Variants in PLBD1 observed in about 807,000 individuals in gnomAD.
PLBD1 encodes the protein lysosomal leucine aminopeptidase.
In PLBD1, 60 loss-of-function variants were observed where a neutral mutation model predicts 63.0. The ratio of observed to expected loss-of-function variants is 0.95; its 90% CI spans 0.77 to 1.18. PLBD1 has a LOEUF of 1.18. Among genes scored for constraint, PLBD1 ranks in the 50% most tolerant of loss-of-function variants. The probability of loss-of-function intolerance (pLI) is 0.00; values close to 1 mark genes in which losing one functional copy is unlikely to be tolerated. For missense variants in PLBD1, 598 were observed against 677.9 expected, an observed-to-expected ratio of 0.88 and a Z score of 1.31; for synonymous variants, 262 against 248.0, an observed-to-expected ratio of 1.06 and a Z score of -0.53.
intron 6 of PLBD1, among the ~76,000 whole-genome samples, chr12:14,524,543 AC>A (rs1425537739): frequency 2.6e-5 from 4 of 152,240 alleles, no homozygotes; most frequent in African/African-American, 9.6e-5. Context: ...ACCAGGCACT[AC>A]AGTTAACAAT....
At chr12:14,529,296 T>C (rs1945441387) in intron 6 of PLBD1, among the ~76,000 whole-genome samples, 1 of 152,088 alleles carries the variant, frequency 6.6e-6, no homozygotes, top group Non-Finnish European at 1.5e-5. Context: ...ATTTAGGATA[T>C]GAGGATAAGC....
At chr12:14,564,228 T>C (rs1022906443) in intron 1 of PLBD1, among the ~76,000 whole-genome samples, 3 of 152,178 alleles carry the variant, frequency 2.0e-5, no homozygotes, top group Non-Finnish European at 4.4e-5. Context: ...TAAATAAGAA[T>C]GTCTGCAGAG....
chr12:14,565,161 A>T (rs995657181), intron 1 of PLBD1, among the ~76,000 whole-genome samples: 15 of 152,202 alleles, frequency 9.9e-5, no homozygotes, highest in African/African-American at 3.6e-4. Flanking sequence ...AAATTGAAGA[A>T]TATGCAAGAA....
At chr12:14,507,782 T>G (rs953149799) in intron 8 of PLBD1, among the ~76,000 whole-genome samples, 1 of 152,238 alleles carries the variant, frequency 6.6e-6, no homozygotes, top group African/African-American at 2.4e-5. Context: ...AGGCTCAGCT[T>G]CATTCAAAGC....
chr12:14,529,396 G>C (rs1373370964), intron 6 of PLBD1, among the ~76,000 whole-genome samples: 1 of 151,972 alleles, frequency 6.6e-6, no homozygotes, highest in Admixed American at 6.6e-5. Flanking sequence ...TAACACGTTA[G>C]TAAACTGAAC....
rs1436203650 is a variant in PLBD1 at position 14,536,668 on chromosome 12, C to T, written c.601G>A (p.Asp201Asn). 2 of 1,614,032 alleles carry T rather than the reference C, an allele frequency of 1.2e-6. No homozygotes were observed. The highest frequency in any genetic ancestry group is 2.7e-5 in the African/African-American group (2 of 74,928). ...AGTGAGGGAATCAGATCCAATAGAT[C>T]TCCAACACTATTCAGGAACTGAATC... ...FQIQFLNSVG[D>N]LLDLIPSLSP... is the part of the protein sequence containing the mutation. The change falls in exon 5 of 11, where the codon GAT becomes AAT. Residue 201 changes from aspartate to asparagine, a missense_variant. Coordinates refer to ENST00000240617, the MANE Select transcript of PLBD1 (RefSeq NM_024829.6).
At chr12:14,521,728 G>A (rs1410576424) in intron 6 of PLBD1, among the ~76,000 whole-genome samples, 3 of 151,932 alleles carry the variant, frequency 2.0e-5, no homozygotes, top group Non-Finnish European at 4.4e-5. Flanking sequence ...TCAGTGCAGG[G>A]ACACAAGAAA....
chr12:14,550,753 CT>C (rs1277986045), intron 2 of PLBD1, among the ~76,000 whole-genome samples: 4 of 152,084 alleles, frequency 2.6e-5, no homozygotes, highest in Non-Finnish European at 5.9e-5. Context: ...TGGCTCATGC[CT>C]GTAATCCCAT....
intron 8 of PLBD1, among the ~76,000 whole-genome samples, chr12:14,510,772 C>T (rs1012850353): frequency 2.0e-5 from 3 of 152,156 alleles, no homozygotes; most frequent in African/African-American, 4.8e-5. Flanking sequence ...CTAACAGCCA[C>T]GTTCTGTTTA....
intron 6 of PLBD1, among the ~76,000 whole-genome samples, chr12:14,515,228 A>C (rs929220613): frequency 1.8e-4 from 27 of 152,238 alleles, no homozygotes; most frequent in African/African-American, 6.5e-4. Context: ...GAGGGAAATC[A>C]TCTTATGACC....
intron 1 of PLBD1, among the ~76,000 whole-genome samples, chr12:14,558,081 A>C (rs901919797): frequency 1.3e-5 from 2 of 150,528 alleles, no homozygotes; most frequent in African/African-American, 4.9e-5. Context: ...TGTCTATCAA[A>C]TATGCACTAA....
intron 2 of PLBD1, among the ~76,000 whole-genome samples, chr12:14,546,210 T>C (rs1217998050): frequency 6.6e-6 from 1 of 151,246 alleles, no homozygotes; most frequent in Non-Finnish European, 1.5e-5. Flanking sequence ...CCCCAGCACT[T>C]GGGTGGTTGA....
At chr12:14,513,783 T>TG (rs1945317385) in intron 6 of PLBD1, among the ~76,000 whole-genome samples, 1 of 151,298 alleles carries the variant, frequency 6.6e-6, no homozygotes, top group Non-Finnish European at 1.5e-5. Context: ...ACTCTTAGTT[T>TG]TTTTTTTTTT....
rs1414652384 is a variant in PLBD1 at position 14,506,151 on chromosome 12, T to C, written c.1479+11A>G. 4 of 1,574,010 alleles carry C rather than the reference T, an allele frequency of 2.5e-6. No homozygotes were observed. The highest frequency in any genetic ancestry group is 4.5e-5 in the East Asian group (2 of 44,308). Reference sequence around the variant, plus strand: ...GGTGGGAATTAAATTCAAAAGCCAATAGCATGTTACCTTTGTGTCATAACA... The same window carrying C: ...GGTGGGAATTAAATTCAAAAGCCAACAGCATGTTACCTTTGTGTCATAACA... On this transcript the variant is annotated intron_variant, in intron 10 of 10. Coordinates refer to ENST00000240617, the MANE Select transcript of PLBD1 (RefSeq NM_024829.6).
Position 14,562,432 on chromosome 12 carries a change from C to T in PLBD1, c.115+5150G>A, listed in dbSNP as rs545611969. On this transcript the variant is annotated intron_variant, in intron 1 of 10. Transcript: ENST00000240617. ...TTGAGATTGCAGCACTGCGGTCCAG[C>T]CTGAGTGACAGAGTGAGACTCCCTC... Among the ~76,000 whole-genome samples the T allele has an allele frequency of 1.7e-3, 246 of 143,378 alleles. 4 individuals carry two copies. The South Asian group carries it at 0.018, about 11-fold the overall frequency. 94.1% of individuals were successfully genotyped at this position (143,378 alleles called of 152,430 possible).
chr12:14,538,437 A>C (rs1323237316), intron 4 of PLBD1, among the ~76,000 whole-genome samples: 3 of 152,040 alleles, frequency 2.0e-5, no homozygotes, highest in African/African-American at 7.2e-5. Flanking sequence ...CAGGTGATCC[A>C]CCCACCTTGG....
intron 6 of PLBD1, among the ~76,000 whole-genome samples, chr12:14,528,968 AT>A (rs1945439081): frequency 6.6e-6 from 1 of 152,162 alleles, no homozygotes. Context: ...TAAATTTACA[AT>A]TAATAACTTT....
chr12:14,561,204 A>T (rs1945740254), intron 1 of PLBD1, among the ~76,000 whole-genome samples: 1 of 151,174 alleles, frequency 6.6e-6, no homozygotes, highest in Non-Finnish European at 1.5e-5. Context: ...TTTAAAAACT[A>T]GCTTCAAAAC....
intron 6 of PLBD1, among the ~76,000 whole-genome samples, chr12:14,534,652 T>C (rs1945497352): frequency 6.6e-6 from 1 of 151,618 alleles, no homozygotes; most frequent in Non-Finnish European, 1.5e-5. Flanking sequence ...CACGCCATTC[T>C]CTCGCCTCAG....
Sources: gnomAD v4.1 joint callset for allele counts (sites outside exome capture counted in the v4.1 genomes callset) on GRCh38, gnomAD v4.1.1 for gene constraint, MANE v1.5 for transcripts, NCBI Gene and HGNC (gene_info 2026-07-23, HGNC 2026-07-21) for gene names.